Variants in APMAP observed in about 807,000 individuals in gnomAD.
APMAP encodes adipocyte plasma membrane-associated protein.
Under a neutral mutation model 43.6 loss-of-function variants are expected in APMAP, and 33 were observed. The ratio of observed to expected loss-of-function variants is 0.76; its 90% CI spans 0.57 to 1.01. APMAP has a LOEUF of 1.01. Ranked by LOEUF, APMAP falls within the 50% of genes least tolerant of loss-of-function variation. The pLI is 0.00. For synonymous variants in APMAP, 224 were observed against 216.7 expected (o/e 1.03, Z -0.30); for missense variants, 498 against 540.7 (o/e 0.92, Z 0.78).
chr20:24,985,018 G>A (rs1310957200), intron 1 of APMAP, among the ~76,000 whole-genome samples: 2 of 152,244 alleles, frequency 1.3e-5, no homozygotes, highest in East Asian at 3.9e-4. Context: ...TGATTTAAGG[G>A]GGCAGGGTTT....
At chr20:24,992,059 G>T (rs985571329) in intron 1 of APMAP, among the ~76,000 whole-genome samples, 22 of 152,336 alleles carry the variant, frequency 1.4e-4, no homozygotes, top group African/African-American at 4.8e-4. Context: ...GCAGCGTGAG[G>T]GGGGCAGGTG....
chr20:24,971,338 G>T, intron 5 of APMAP, 122 bp downstream of exon 5: 3 of 902,312 alleles, frequency 3.3e-6, no homozygotes, highest in Non-Finnish European at 3.3e-6. Context: ...ACTGTTCAGT[G>T]AATAAGAAAT....
intron 2 of APMAP, among the ~76,000 whole-genome samples, chr20:24,982,684 C>T: frequency 6.6e-6 from 1 of 152,198 alleles, no homozygotes; most frequent in Non-Finnish European, 1.5e-5. Flanking sequence ...TTCTAATCCC[C>T]AGCTGTGGAC....
At chr20:24,970,401 A>C in intron 5 of APMAP, 30 bp from the exon 6 acceptor site, 2 of 1,585,292 alleles carry the variant, frequency 1.3e-6, no homozygotes, top group Non-Finnish European at 1.7e-6. Context: ...AAAAAGATTG[A>C]CTTGAACTAG....
rs1457303806 is a variant in APMAP, at chr20:24,984,033, A to G, written c.96-14T>C. 1.9e-6 allele frequency: 3 copies of G among 1,594,386 alleles called. No individual in the cohort carries two copies. The highest frequency in any genetic ancestry group is 2.6e-6 in the Non-Finnish European group (3 of 1,162,600). On this transcript the variant is annotated splice_polypyrimidine_tract_variant and intron_variant, in intron 1 of 8. Transcript: ENST00000217456. ...CCGCTAAAGGAGCTGCCAGAAATAA[A>G]AGATACAAAGGCAATCAGCTGAGTC...
chr20:24,978,669 C>G (rs940069086), intron 3 of APMAP, 98 bp downstream of exon 3: 3 of 965,612 alleles, frequency 3.1e-6, no homozygotes, highest in South Asian at 1.4e-5. Context: ...GGGCCCCAGT[C>G]CAGGGGCAGC....
chr20:24,991,875 T>C (rs772983531), intron 1 of APMAP, among the ~76,000 whole-genome samples: 3 of 152,226 alleles, frequency 2.0e-5, no homozygotes, highest in Non-Finnish European at 2.9e-5. Flanking sequence ...TTCTGAAAGA[T>C]GGGAGAGGAG....
intron 1 of APMAP, among the ~76,000 whole-genome samples, chr20:24,991,201 G>A (rs766272544): frequency 6.6e-6 from 1 of 152,218 alleles, no homozygotes; most frequent in African/African-American, 2.4e-5. Flanking sequence ...TCAGGCCACT[G>A]CTCTTCCATT....
intron 4 of APMAP, among the ~76,000 whole-genome samples, chr20:24,972,499 A>G (rs572585515): frequency 1.3e-5 from 2 of 150,624 alleles, no homozygotes; most frequent in African/African-American, 4.9e-5. Flanking sequence ...GGCTTACTGC[A>G]GGGAGTTCAC....
At chr20:24,987,653 A>T (rs536211667) in intron 1 of APMAP, among the ~76,000 whole-genome samples, 31 of 152,332 alleles carry the variant, frequency 2.0e-4, no homozygotes, top group Middle Eastern at 3.4e-3. Flanking sequence ...AAAAAAGTTG[A>T]CAGTGACAAG....
intron 2 of APMAP, among the ~76,000 whole-genome samples, chr20:24,981,056 G>A (rs963498049): frequency 3.9e-5 from 6 of 152,212 alleles, no homozygotes; most frequent in Admixed American, 3.3e-4. Flanking sequence ...CAGACCAGGA[G>A]TATGGAGGGA....
At chr20:24,977,649 A>T (rs2088061739) in intron 3 of APMAP, among the ~76,000 whole-genome samples, 1 of 152,256 alleles carries the variant, frequency 6.6e-6, no homozygotes, top group African/African-American at 2.4e-5. Context: ...CTGGTGACAA[A>T]GTACAATGAG....
At chr20:24,981,798 A>AT (rs1487326309) in intron 2 of APMAP, among the ~76,000 whole-genome samples, 1 of 152,112 alleles carries the variant, frequency 6.6e-6, no homozygotes, top group Non-Finnish European at 1.5e-5. Context: ...TTTAACTGAT[A>AT]TTTTTTCAGT....
rs777146172 is a variant in APMAP, at chr20:24,963,873, G to C, written c.1191C>G (p.His397Gln). The C allele has an allele frequency of 6.2e-7, 1 of 1,614,236 alleles. No homozygotes were observed. The highest frequency in any genetic ancestry group is 1.1e-5 in the South Asian group (1 of 91,088). The change falls in exon 9 of 9, where the codon CAC becomes CAG. Residue 397 changes from histidine (H) to glutamine (Q), a missense_variant. Physicochemically the swap from His to Gln is conservative, Grantham distance 24. Coordinates refer to ENST00000217456, the MANE Select transcript of APMAP (RefSeq NM_020531.3). ...YISEVHEHDGHLYLGSFRSPF... is the reference protein window; with the variant it reads ...YISEVHEHDGQLYLGSFRSPF... Reference sequence around the variant, plus strand: ...GGGACCTGAAAGAGCCCAGGTACAGGTGCCCATCGTGTTCGTGCACCTCGC... The same window carrying C: ...GGGACCTGAAAGAGCCCAGGTACAGCTGCCCATCGTGTTCGTGCACCTCGC...
intron 8 of APMAP, among the ~76,000 whole-genome samples, chr20:24,966,164 A>G (rs2087941338): frequency 6.6e-6 from 1 of 152,220 alleles, no homozygotes; most frequent in African/African-American, 2.4e-5. Context: ...TACAAGAGGA[A>G]ACTGGAACGA....
At chr20:24,980,323 G>A (rs937889116) in intron 2 of APMAP, among the ~76,000 whole-genome samples, 2 of 152,238 alleles carry the variant, frequency 1.3e-5, no homozygotes, top group African/African-American at 4.8e-5. Context: ...ACAGCAAAAA[G>A]AGCTTCTTTA....
At chr20:24,990,940 A>G (rs1241787717) in intron 1 of APMAP, among the ~76,000 whole-genome samples, 1 of 152,272 alleles carries the variant, frequency 6.6e-6, no homozygotes, top group Non-Finnish European at 1.5e-5. Flanking sequence ...AGGGAAGTCA[A>G]GGAAATAAGT....
At position 24,963,702 on chromosome 20, in the gene APMAP, T is replaced by C; in HGVS notation, c.*111A>G. The stretch of plus-strand genomic sequence containing the variant: ...CCACCACCTCTCAGGGACTAACAGG[T>C]GCATGTGGACACTTGAACCACGACT... On this transcript the variant is annotated 3_prime_UTR_variant, in exon 9 of 9. Transcript: ENST00000217456. 1 of 1,115,836 alleles carries C rather than the reference T, an allele frequency of 9.0e-7. No homozygotes were observed. Among genetic ancestry groups the C allele is most frequent in the Non-Finnish European group, 1.3e-6 (1 of 760,050 alleles). 69.1% of individuals were successfully genotyped at this position (1,115,836 alleles called of 1,614,324 possible).
intron 1 of APMAP, among the ~76,000 whole-genome samples, chr20:24,989,148 A>G (rs2122533986): frequency 6.6e-6 from 1 of 151,554 alleles, no homozygotes; most frequent in East Asian, 2.0e-4. Context: ...ATCGATCCCT[A>G]TCCATTTTCA....
Sources: gnomAD v4.1 joint callset for allele counts (sites outside exome capture counted in the v4.1 genomes callset) on GRCh38, gnomAD v4.1.1 for gene constraint, MANE v1.5 for transcripts, NCBI Gene and HGNC (gene_info 2026-07-23, HGNC 2026-07-21) for gene names.